Variants in AP4M1 observed in about 807,000 individuals in gnomAD.
The protein encoded by AP4M1 is adaptor related protein complex 4 subunit mu 1.
A neutral mutation model predicts 62.4 loss-of-function variants in AP4M1; 58 were observed. That is an observed-to-expected ratio of 0.93 (90% CI 0.75 to 1.16). The LOEUF is 1.16. Ranked by LOEUF, AP4M1 falls within the 50% of genes most tolerant of loss-of-function variation. The pLI is 0.00. For missense variants in AP4M1, 626 were observed against 585.4 expected (o/e 1.07, Z -0.72); for synonymous variants, 290 against 239.7 (o/e 1.21, Z -1.94).
rs141242300 is a variant in AP4M1 at position 100,107,459 on chromosome 7, G to A, written c.*577G>A. Reference sequence around the variant, plus strand: ...CCCCTGTTGGGGGAAGTGAGACCACGATGTACTTCTGGACACTCCCAGGAC... The same window carrying A: ...CCCCTGTTGGGGGAAGTGAGACCACAATGTACTTCTGGACACTCCCAGGAC... On this transcript the variant is annotated 3_prime_UTR_variant, in exon 15 of 15. Transcript: ENST00000359593. 1.8e-5 allele frequency: 29 copies of A among 1,613,134 alleles called. No homozygotes were observed. In the African/African-American group the frequency reaches 2.9e-4, roughly 16 times the overall value.
chr7:100,106,075 C>T lies in AP4M1; in HGVS notation c.974+72C>T, dbSNP rs201953120. 202 of 1,586,426 alleles carry T rather than the reference C, an allele frequency of 1.3e-4. 1 individual carries two copies. In the East Asian group the frequency reaches 4.4e-3, roughly 34 times the overall value. On this transcript the variant is annotated intron_variant, in intron 12 of 14. Transcript: ENST00000359593. ...GACAGGGCCAGGGCACCTGCTGCTT[C>T]TCCCTTCAGATGCAGCTGCCAGCCT...
Position 100,108,170 on chromosome 7 carries a change from G to C in AP4M1, c.*1288G>C. 1 of 1,547,374 alleles carries C rather than the reference G, an allele frequency of 6.5e-7. No homozygotes were observed. Among genetic ancestry groups the C allele is most frequent in the Non-Finnish European group, 8.7e-7 (1 of 1,149,284 alleles). On this transcript the variant is annotated 3_prime_UTR_variant, in exon 15 of 15. Coordinates refer to ENST00000359593, the MANE Select transcript of AP4M1 (RefSeq NM_004722.4). ...GGGAAGTGGCACCATCTACTAAGAA[G>C]AGGAGTCTGAAGGGAGAGGCCTGGG...
chr7:100,107,663 T>C lies in AP4M1; in HGVS notation c.*781T>C. 1 of 1,596,910 alleles carries C rather than the reference T, an allele frequency of 6.3e-7. No homozygotes were observed. ...AAGGCAGGCCGCTTGCCCTGTGCCC[T>C]CCCTGCCCCCCAGAGGCCTGGCGAG... On this transcript the variant is annotated 3_prime_UTR_variant, in exon 15 of 15. Transcript: ENST00000359593.
upstream of AP4M1, among the ~76,000 whole-genome samples, chr7:100,101,031 C>A (rs1452373588): frequency 6.6e-6 from 1 of 152,196 alleles, no homozygotes; most frequent in African/African-American, 2.4e-5. Flanking sequence ...CCCAACCCCA[C>A]GACCCTAACA....
chr7:100,101,296 G>A (rs1292542630), upstream of AP4M1: 2 of 1,613,192 alleles, frequency 1.2e-6, no homozygotes, highest in Admixed American at 1.7e-5. Context: ...CAGTGCCATC[G>A]CTGCCGAGGG....
intron 14 of AP4M1, 37 bp downstream of exon 14, chr7:100,106,551 A>G (rs755301736): frequency 6.3e-7 from 1 of 1,598,060 alleles, no homozygotes; most frequent in South Asian, 1.1e-5. Context: ...CTCCTCCCAC[A>G]TTCACTTGCA....
chr7:100,104,813 C>G, intron 7 of AP4M1, 61 bp from the exon 8 acceptor site: 13 of 1,592,648 alleles, frequency 8.2e-6, no homozygotes, highest in Non-Finnish European at 1.1e-5. Context: ...GGCGACAGAG[C>G]GAGACCGTCT....
chr7:100,104,588 T>C lies in AP4M1; in HGVS notation c.607-286T>C, dbSNP rs145883941. On this transcript the variant is annotated intron_variant, in intron 7 of 14. Coordinates refer to ENST00000359593, the MANE Select transcript of AP4M1 (RefSeq NM_004722.4). ...GCTCATGCCTGTAATCCCAGCACTTTGAGAGGCCGAGGTGGGTGGATCACT... is the reference window on the plus strand; with the variant it reads ...GCTCATGCCTGTAATCCCAGCACTTCGAGAGGCCGAGGTGGGTGGATCACT... Among the ~76,000 whole-genome samples the C allele has an allele frequency of 7.5e-3, 1,142 of 152,224 alleles. 14 individuals are homozygous for C. The highest frequency in any genetic ancestry group is 0.027 in the African/African-American group (1,112 of 41,528).
intron 7 of AP4M1, 75 bp from the exon 8 acceptor site, chr7:100,104,799 C>T: frequency 2.6e-6 from 4 of 1,561,432 alleles, no homozygotes; most frequent in South Asian, 1.1e-5. Context: ...CCACTGCCAG[C>T]CTGGGCGACA....
intron 3 of AP4M1, 35 bp from the exon 4 acceptor site, chr7:100,102,826 AGAG>A: frequency 6.2e-7 from 1 of 1,613,286 alleles, no homozygotes; most frequent in South Asian, 1.1e-5. Context: ...GAGGGGTCTG[AGAG>A]GAGGAGAAAA....
Position 100,108,595 on chromosome 7 carries a change from A to G in AP4M1, c.*1713A>G, listed in dbSNP as rs115360193. On this transcript the variant is annotated 3_prime_UTR_variant, in exon 15 of 15. Transcript: ENST00000359593. ...GGAGGGCTGGGGAAAAAAGCCAGGT[A>G]GAGGGAGGGCTGGTGACACTCTTGA... 8.3e-4 allele frequency: 1,279 copies of G among 1,543,194 alleles called. 7 individuals carry two copies. The African/African-American group carries it at 0.014, about 16-fold the overall frequency.
upstream of AP4M1, chr7:100,101,207 G>A (rs568436412): frequency 1.2e-6 from 2 of 1,605,426 alleles, no homozygotes; most frequent in African/African-American, 1.3e-5. Context: ...CACACCAACA[G>A]GTGTTCCCCG....
rs574153407 is a variant in AP4M1, at chr7:100,107,131, G to A, written c.*249G>A. Reference sequence around the variant, plus strand: ...TGGCTGTACAATATCTAAAAAGAAAGTGACATGAAGGAAGCAATCTACAAC... The same window carrying A: ...TGGCTGTACAATATCTAAAAAGAAAATGACATGAAGGAAGCAATCTACAAC... On this transcript the variant is annotated 3_prime_UTR_variant, in exon 15 of 15. Transcript: ENST00000359593. The A allele has an allele frequency of 4.9e-6, 7 of 1,421,118 alleles. No homozygotes were observed. In the African/African-American group the frequency reaches 5.7e-5, roughly 12 times the overall value. 88.0% of individuals were successfully genotyped at this position (1,421,118 alleles called of 1,614,324 possible).
At chr7:100,101,497 G>A, upstream of AP4M1, 1 of 795,724 alleles carries the variant, frequency 1.3e-6, no homozygotes, top group Non-Finnish European at 2.1e-6. Flanking sequence ...GCCAATCACC[G>A]TGCGGGCCTA....
Position 100,101,675 on chromosome 7 carries a change from C to T in AP4M1, c.-40C>T. On this transcript the variant is annotated 5_prime_UTR_variant, in exon 1 of 15. Transcript: ENST00000359593. ...TCCGGGGCCGCAGGGCGGGGCAGGC[C>T]CGACTTTCGCCGTCTTCTTGTCTAC... The T allele has an allele frequency of 1.3e-6, 2 of 1,591,934 alleles. No homozygotes were observed. Among genetic ancestry groups the T allele is most frequent in the Non-Finnish European group, 1.7e-6 (2 of 1,160,556 alleles).
chr7:100,107,474 A>C lies in AP4M1; in HGVS notation c.*592A>C. On this transcript the variant is annotated 3_prime_UTR_variant, in exon 15 of 15. Coordinates refer to ENST00000359593, the MANE Select transcript of AP4M1 (RefSeq NM_004722.4). Reference sequence around the variant, plus strand: ...GTGAGACCACGATGTACTTCTGGACACTCCCAGGACCAGAGGGAGCAGTGC... The same window carrying C: ...GTGAGACCACGATGTACTTCTGGACCCTCCCAGGACCAGAGGGAGCAGTGC... 1.9e-6 allele frequency: 3 copies of C among 1,613,576 alleles called. No individual in the cohort carries two copies. The highest frequency in any genetic ancestry group is 2.5e-6 in the Non-Finnish European group (3 of 1,179,748).
At chr7:100,101,426 G>A (rs1377813918), upstream of AP4M1, 11 of 1,255,524 alleles carry the variant, frequency 8.8e-6, no homozygotes, top group Admixed American at 1.8e-4. Context: ...CCACGTGACC[G>A]GCGCCACTGC....
At chr7:100,100,911 A>G, upstream of AP4M1, 3 of 1,054,124 alleles carry the variant, frequency 2.8e-6, no homozygotes, top group Non-Finnish European at 3.5e-6. Context: ...AATGCCCAAA[A>G]GCGCGAAGGA....
rs147670505 is a variant in AP4M1, at chr7:100,105,325, C to T, written c.813C>T (p.Arg271=). The part of the protein sequence containing the change: ...LDEFESHRIL[R]LQPPQGELTV... ...AATTTGAGTCTCATCGAATCCTCCG[C>T]TTGCAACCACCTCAGGGCGAGGTCA... Residue 271 remains arginine, a synonymous_variant, in exon 10 of 15, where the codon CGC becomes CGT. Coordinates refer to ENST00000359593, the MANE Select transcript of AP4M1 (RefSeq NM_004722.4). 1.3e-5 allele frequency: 21 copies of T among 1,614,044 alleles called. No individual in the cohort carries two copies. In the African/African-American group the frequency reaches 2.4e-4, roughly 18 times the overall value.
Sources: gnomAD v4.1 joint callset for allele counts (sites outside exome capture counted in the v4.1 genomes callset) on GRCh38, gnomAD v4.1.1 for gene constraint, MANE v1.5 for transcripts, NCBI Gene and HGNC (gene_info 2026-07-23, HGNC 2026-07-21) for gene names.